Variants in PPA2 observed in about 807,000 individuals in gnomAD.
The protein encoded by PPA2 is inorganic pyrophosphatase 2.
A neutral mutation model predicts 49.5 loss-of-function variants in PPA2; 48 were observed. The observed-to-expected ratio is 0.97, with a 90% CI of 0.77 to 1.23. The LOEUF is 1.23. Ranked by LOEUF, PPA2 falls within the 50% of genes most tolerant of loss-of-function variation. The pLI, the probability that PPA2 is intolerant of heterozygous loss-of-function variation, is 0.00. For missense variants in PPA2, 429 were observed against 410.1 expected, an observed-to-expected ratio of 1.05 and a Z score of -0.40; for synonymous variants, 131 against 139.9, an observed-to-expected ratio of 0.94 and a Z score of 0.45.
intron 6 of PPA2, 138 bp downstream of exon 6, chr4:105,437,812 G>A: frequency 1.6e-6 from 1 of 613,262 alleles, no homozygotes; most frequent in East Asian, 3.1e-5. Flanking sequence ...AGAAAGTGAA[G>A]ATAAAAGGAG....
In PPA2 at chr4:105,371,665, C is replaced by T. The variant is rs557361992; in HGVS notation, c.940-792G>A. Among the ~76,000 whole-genome samples, 90 of 152,260 alleles carry T rather than the reference C, an allele frequency of 5.9e-4. 1 individual carries two copies. The South Asian group carries it at 0.018, about 30-fold the overall frequency. On this transcript the variant is annotated intron_variant, in intron 10 of 11. Coordinates refer to ENST00000341695, the MANE Select transcript of PPA2 (RefSeq NM_176869.3). ...GCTGACCTTCAATAGATAGGAAATA[C>T]CTGCCTCTAGCATTTAAGTCTGAGG...
At chr4:105,419,083 G>T (rs1723133541) in intron 7 of PPA2, among the ~76,000 whole-genome samples, 1 of 152,174 alleles carries the variant, frequency 6.6e-6, no homozygotes, top group Non-Finnish European at 1.5e-5. Context: ...GTACCAATAA[G>T]AGCATTAGGG....
At chr4:105,402,258 GA>G (rs33989312) in intron 7 of PPA2, among the ~76,000 whole-genome samples, 9,786 of 146,842 alleles carry the variant, frequency 0.067, 721 homozygotes, top group African/African-American at 0.18. Context: ...AAACAAAAAA[GA>G]AAAAAAAAAT....
chr4:105,408,664 T>C (rs992228873), intron 7 of PPA2, among the ~76,000 whole-genome samples: 4 of 152,194 alleles, frequency 2.6e-5, no homozygotes, highest in African/African-American at 9.6e-5. Flanking sequence ...AATGTATATA[T>C]GACTAAAACA....
In PPA2 at chr4:105,369,652, T is replaced by G; in HGVS notation, c.*73A>C. Reference sequence around the variant, plus strand: ...TTAACAGGAAGTCAGTAAATGCTCATAGACCCCCTTGTCTCTAGCACTTGG... The same window carrying G: ...TTAACAGGAAGTCAGTAAATGCTCAGAGACCCCCTTGTCTCTAGCACTTGG... On this transcript the variant is annotated 3_prime_UTR_variant, in exon 12 of 12. Coordinates refer to ENST00000341695, the MANE Select transcript of PPA2 (RefSeq NM_176869.3). 1 of 1,443,158 alleles carries G rather than the reference T, an allele frequency of 6.9e-7. No individual in the cohort carries two copies. The highest frequency in any genetic ancestry group is 1.1e-5 in the South Asian group (1 of 87,156). 89.4% of individuals were successfully genotyped at this position (1,443,158 alleles called of 1,614,324 possible).
At chr4:105,456,797 T>C (rs1203533001) in intron 1 of PPA2, 52 bp from the exon 2 acceptor site, 2 of 1,437,106 alleles carry the variant, frequency 1.4e-6, no homozygotes, top group Non-Finnish European at 1.9e-6. Context: ...AATAGACACA[T>C]TGTTCTATAC....
chr4:105,419,767 A>G (rs1007797956), intron 7 of PPA2, among the ~76,000 whole-genome samples: 1 of 152,174 alleles, frequency 6.6e-6, no homozygotes, highest in Non-Finnish European at 1.5e-5. Flanking sequence ...AATAAAAGTT[A>G]TTGTATTTGT....
intron 10 of PPA2, among the ~76,000 whole-genome samples, chr4:105,385,916 G>A (rs1449940808): frequency 7.4e-6 from 1 of 135,588 alleles, no homozygotes; most frequent in East Asian, 2.1e-4. Flanking sequence ...GTCTCACTCT[G>A]TCGCCTAGGC....
At chr4:105,404,980 G>T (rs1722394048) in intron 7 of PPA2, 1 of 157,446 alleles carries the variant, frequency 6.4e-6, no homozygotes, top group African/African-American at 2.4e-5. Flanking sequence ...CTACTCGGGA[G>T]GCTGAGGCAG....
chr4:105,440,474 G>C (rs2110293492), intron 5 of PPA2, among the ~76,000 whole-genome samples: 1 of 152,122 alleles, frequency 6.6e-6, no homozygotes, highest in Non-Finnish European at 1.5e-5. Flanking sequence ...TGTTAGCCAG[G>C]ATGGTCTCAA....
chr4:105,379,460 GATAGA>G, intron 10 of PPA2, among the ~76,000 whole-genome samples: 1 of 72,448 alleles, frequency 1.4e-5, no homozygotes, highest in South Asian at 6.0e-4. Context: ...TAGATAGATA[GATAGA>G]TATCTCAAGC....
chr4:105,435,497 TA>T (rs530819444), intron 6 of PPA2, among the ~76,000 whole-genome samples: 5 of 152,052 alleles, frequency 3.3e-5, no homozygotes, highest in Admixed American at 1.3e-4. Context: ...CCCGGATTCA[TA>T]AAAAAACTAC....
At chr4:105,380,501 A>G (rs1733445450) in intron 10 of PPA2, among the ~76,000 whole-genome samples, 1 of 152,172 alleles carries the variant, frequency 6.6e-6, no homozygotes, top group Non-Finnish European at 1.5e-5. Flanking sequence ...TTAAATCACG[A>G]AGTACTTCAA....
At chr4:105,415,280 A>G (rs1171118214) in intron 7 of PPA2, among the ~76,000 whole-genome samples, 1 of 152,130 alleles carries the variant, frequency 6.6e-6, no homozygotes, top group Non-Finnish European at 1.5e-5. Flanking sequence ...TACATCATCC[A>G]CTGTACCCAG....
In PPA2 at chr4:105,448,856, GA is replaced by G. The variant is rs916814814; in HGVS notation, c.321+493del. 3.3e-5 allele frequency among the ~76,000 whole-genome samples: 5 copies of G among 149,742 alleles called. No homozygotes were observed. In the East Asian group the frequency reaches 5.8e-4, roughly 17 times the overall value. On this transcript the variant is annotated intron_variant, in intron 4 of 11. Coordinates refer to ENST00000341695, the MANE Select transcript of PPA2 (RefSeq NM_176869.3). Reference sequence around the variant, plus strand: ...ATATAACAAACTGACAGGCAAAATTGAAAAAAAAACTCTCTATAAAACTATA... The same window carrying G: ...ATATAACAAACTGACAGGCAAAATTGAAAAAAAACTCTCTATAAAACTATA...
intron 10 of PPA2, among the ~76,000 whole-genome samples, chr4:105,386,223 C>G (rs894316023): frequency 6.6e-6 from 1 of 151,890 alleles, no homozygotes; most frequent in African/African-American, 2.4e-5. Context: ...ATAGCCAGTT[C>G]CAATGTAGAC....
At chr4:105,459,634 T>A (rs951302251) in intron 1 of PPA2, among the ~76,000 whole-genome samples, 6 of 152,212 alleles carry the variant, frequency 3.9e-5, no homozygotes, top group African/African-American at 1.4e-4. Flanking sequence ...TTATTCGGAA[T>A]CACCAAAAAC....
At chr4:105,462,641 A>G (rs2110326172) in intron 1 of PPA2, among the ~76,000 whole-genome samples, 1 of 152,314 alleles carries the variant, frequency 6.6e-6, no homozygotes, top group East Asian at 1.9e-4. Context: ...ATGTTAATAC[A>G]CCTTTTTATT....
intron 1 of PPA2, among the ~76,000 whole-genome samples, chr4:105,469,205 A>G (rs1723426547): frequency 6.6e-6 from 1 of 152,178 alleles, no homozygotes; most frequent in South Asian, 2.1e-4. Flanking sequence ...ATGGTATTTC[A>G]CTGTCGTCAA....
Sources: gnomAD v4.1 joint callset for allele counts (sites outside exome capture counted in the v4.1 genomes callset) on GRCh38, gnomAD v4.1.1 for gene constraint, MANE v1.5 for transcripts, NCBI Gene and HGNC (gene_info 2026-07-23, HGNC 2026-07-21) for gene names.